The following LAMA2 variants were observed in gnomAD, a reference collection of about 807,000 sequenced individuals.
The protein encoded by LAMA2 is laminin subunit alpha 2, also known as laminin subunit alpha-2.
LAMA2 carries 269 observed loss-of-function variants against 364.8 expected under a neutral mutation model. The ratio of observed to expected loss-of-function variants is 0.74; its 90% CI spans 0.67 to 0.82. The LOEUF (loss-of-function observed/expected upper bound fraction) is 0.82. Among genes scored for constraint, LAMA2 ranks in the 40% least tolerant of loss-of-function variants. The pLI, the probability that LAMA2 is intolerant of heterozygous loss-of-function variation, is 0.00. For missense variants in LAMA2, 3,807 were observed against 3,873.2 expected (o/e 0.98, Z 0.45); for synonymous variants, 1,379 against 1,370.6 (o/e 1.01, Z -0.14).
intron 1 of LAMA2, among the ~76,000 whole-genome samples, chr6:128,988,619 C>T (rs941653429): frequency 2.0e-5 from 3 of 152,166 alleles, no homozygotes; most frequent in Admixed American, 1.3e-4. Context: ...TTGGGATTTT[C>T]ACAATTCTTA....
rs544310496 is a variant in LAMA2 at position 129,367,726 on chromosome 6, C to T, written c.4860+1365C>T. Among the ~76,000 whole-genome samples the T allele has an allele frequency of 2.1e-4, 32 of 152,188 alleles. 1 individual carries two copies. Among genetic ancestry groups the T allele is most frequent in the African/African-American group, 7.2e-4 (30 of 41,526 alleles). On this transcript the variant is annotated intron_variant, in intron 33 of 64. Transcript: ENST00000421865. ...AAGAAGAAACCAATAATGATGATAA[C>T]AAGAATAACTAACATTTATTGAAAA...
At chr6:129,069,765 T>G (rs1385571664) in intron 3 of LAMA2, among the ~76,000 whole-genome samples, 1 of 148,286 alleles carries the variant, frequency 6.7e-6, no homozygotes, top group Non-Finnish European at 1.5e-5. Context: ...AAAATATAGA[T>G]AATATATTGT....
In LAMA2 at chr6:129,393,259, A is replaced by C. The variant is rs1335134882; in HGVS notation, c.5445+4A>C. ...GAAAAACATGACTGCATTGGAGGTG[A>C]GTCTTAGGGGCACTTTTATCTTAAT... On this transcript the variant is annotated splice_donor_region_variant and intron_variant, in intron 37 of 64. Transcript: ENST00000421865. The C allele has an allele frequency of 3.1e-6, 5 of 1,606,400 alleles. No homozygotes were observed. The highest frequency in any genetic ancestry group is 3.4e-6 in the Non-Finnish European group (4 of 1,173,074).
At chr6:129,445,573 G>A (rs1313601818) in intron 44 of LAMA2, 94 bp from the exon 45 acceptor site, 2 of 1,038,594 alleles carry the variant, frequency 1.9e-6, no homozygotes, top group Non-Finnish European at 3.0e-6. Flanking sequence ...ACATTAATAA[G>A]ATGAAATTGT....
chr6:129,271,313 A>G (rs1186919800), intron 17 of LAMA2, among the ~76,000 whole-genome samples: 7 of 152,032 alleles, frequency 4.6e-5, no homozygotes, highest in Admixed American at 4.6e-4. Flanking sequence ...AAACAACAAC[A>G]AGAAAGAACA....
At chr6:129,166,792 A>G (rs1254126396) in intron 9 of LAMA2, among the ~76,000 whole-genome samples, 2 of 152,154 alleles carry the variant, frequency 1.3e-5, no homozygotes, top group Non-Finnish European at 2.9e-5. Flanking sequence ...TTTCTGTCAT[A>G]ATGCATACAA....
At chr6:129,332,574 A>C (rs911373695) in intron 29 of LAMA2, among the ~76,000 whole-genome samples, 2 of 152,156 alleles carry the variant, frequency 1.3e-5, no homozygotes, top group African/African-American at 4.8e-5. Context: ...CCTATTTGTA[A>C]AGAATTGCTA....
At chr6:129,124,836 G>A (rs1777020771) in intron 4 of LAMA2, among the ~76,000 whole-genome samples, 1 of 152,110 alleles carries the variant, frequency 6.6e-6, no homozygotes. Context: ...AAGAAACCTT[G>A]TACACGTTAA....
intron 35 of LAMA2, among the ~76,000 whole-genome samples, chr6:129,386,991 T>C (rs1242639064): frequency 6.6e-6 from 1 of 152,086 alleles, no homozygotes; most frequent in Admixed American, 6.6e-5. Context: ...CCTAACCACA[T>C]TGAAATCTTC....
intron 1 of LAMA2, among the ~76,000 whole-genome samples, chr6:129,021,739 A>AAGGAAACAG (rs1378962591): frequency 1.3e-5 from 2 of 152,214 alleles, no homozygotes; most frequent in East Asian, 3.9e-4. Flanking sequence ...ACTTGTGGGT[A>AAGGAAACAG]AGGAAACAGA....
chr6:128,905,947 C>A (rs1777433623), intron 1 of LAMA2, among the ~76,000 whole-genome samples: 4 of 151,794 alleles, frequency 2.6e-5, no homozygotes, highest in Non-Finnish European at 5.9e-5. Context: ...ATCCATGTCC[C>A]TACAAAGGAC....
In LAMA2 at chr6:129,395,759, C is replaced by T. The variant is rs187183164; in HGVS notation, c.5445+2504C>T. ...AGGAAGAGCTTTGTAGAGGCCCTGA[C>T]ACTTGTGCTAGATCCTAAAGGATAA... On this transcript the variant is annotated intron_variant, in intron 37 of 64. Transcript: ENST00000421865. Among the ~76,000 whole-genome samples the T allele has an allele frequency of 6.0e-4, 91 of 152,284 alleles. 3 individuals are homozygous for T. Among genetic ancestry groups the T allele is most frequent in the Non-Finnish European group, 2.8e-4 (19 of 68,026 alleles).
chr6:129,051,626 ATATAT>A (rs951809584), intron 2 of LAMA2, among the ~76,000 whole-genome samples: 3 of 148,782 alleles, frequency 2.0e-5, no homozygotes, highest in South Asian at 2.1e-4. Context: ...AAAGGTAGAT[ATATAT>A]TATATGTAGA....
rs878989622 is a variant in LAMA2, at chr6:129,313,279, C to T, written c.3411+182C>T. On this transcript the variant is annotated intron_variant, in intron 23 of 64. Transcript: ENST00000421865. ...GCATTTGTTGGCATACCGATAAACACTGCTTTTCTAGAGCTTATTTTCAAC... is the reference window on the plus strand; with the variant it reads ...GCATTTGTTGGCATACCGATAAACATTGCTTTTCTAGAGCTTATTTTCAAC... Among the ~76,000 whole-genome samples, 6 of 152,204 alleles carry T rather than the reference C, an allele frequency of 3.9e-5. 1 individual carries two copies. Among genetic ancestry groups the T allele is most frequent in the Admixed American group, 3.9e-4 (6 of 15,278 alleles).
chr6:129,190,372 T>G, intron 11 of LAMA2, 27 bp downstream of exon 11: 1 of 1,610,918 alleles, frequency 6.2e-7, no homozygotes, highest in Non-Finnish European at 8.5e-7. Flanking sequence ...TGGTTCTGTT[T>G]GCTGCCCCAG....
At chr6:129,004,483 C>T (rs552881302) in intron 1 of LAMA2, among the ~76,000 whole-genome samples, 1 of 148,448 alleles carries the variant, frequency 6.7e-6, no homozygotes, top group Non-Finnish European at 1.5e-5. Context: ...TATATCACTA[C>T]TTACTGACTT....
intron 3 of LAMA2, among the ~76,000 whole-genome samples, chr6:129,071,999 A>G (rs1401847384): frequency 6.6e-6 from 1 of 151,928 alleles, no homozygotes; most frequent in Non-Finnish European, 1.5e-5. Context: ...CAAAACCCCA[A>G]AACAAATTAG....
intron 49 of LAMA2, among the ~76,000 whole-genome samples, chr6:129,461,474 T>A (rs1162157638): frequency 6.6e-6 from 1 of 152,068 alleles, no homozygotes; most frequent in Non-Finnish European, 1.5e-5. Context: ...TAAACAAAAT[T>A]TAACATGGAA....
chr6:129,200,151 C>T (rs72990954), intron 12 of LAMA2, among the ~76,000 whole-genome samples: 8,876 of 114,966 alleles, frequency 0.077, 677 homozygotes, highest in African/African-American at 0.15. Flanking sequence ...CACATATACA[C>T]GTGTATATAT....
Sources: gnomAD v4.1 joint callset for allele counts (sites outside exome capture counted in the v4.1 genomes callset) on GRCh38, gnomAD v4.1.1 for gene constraint, MANE v1.5 for transcripts, NCBI Gene and HGNC (gene_info 2026-07-23, HGNC 2026-07-21) for gene names.